CYREN: variants seen among roughly 807,000 people sequenced by gnomAD.
CYREN encodes the protein cell cycle regulator of NHEJ, also known as cell cycle regulator of non-homologous end joining.
A neutral mutation model predicts 9.7 loss-of-function variants in CYREN; 7 were observed. The observed-to-expected ratio is 0.72, with a 90% confidence interval of 0.41 to 1.36. The LOEUF (loss-of-function observed/expected upper bound fraction) is 1.36. Among genes scored for constraint, CYREN ranks in the 40% most tolerant of loss-of-function variants. CYREN has a pLI of 0.01. For missense variants in CYREN, 215 were observed against 198.1 expected (o/e 1.09, Z -0.51); for synonymous variants, 76 against 77.9 (o/e 0.98, Z 0.13).
intron 2 of CYREN, chr7:135,115,628 T>C (rs576710817): frequency 6.7e-7 from 1 of 1,493,042 alleles, no homozygotes; most frequent in East Asian, 2.5e-5. Flanking sequence ...CAATACAATT[T>C]TATCACTCTT....
chr7:135,129,506 A>T, intron 2 of CYREN: 1 of 772,812 alleles, frequency 1.3e-6, no homozygotes, highest in African/African-American at 1.7e-5. Flanking sequence ...CCATAGAGAA[A>T]TTAGATGGAT....
At chr7:135,168,549 T>C (rs890693855) in intron 2 of CYREN, 4 of 544,786 alleles carry the variant, frequency 7.3e-6, no homozygotes, top group East Asian at 3.1e-5. Context: ...ACTCTGTGTG[T>C]GCTGAGGGCA....
chr7:135,114,949 CT>C (rs1281212380), intron 2 of CYREN, among the ~76,000 whole-genome samples: 2 of 152,116 alleles, frequency 1.3e-5, no homozygotes, highest in East Asian at 3.9e-4. Context: ...CCCCTTATAA[CT>C]TTCCCTTTTG....
intron 3 of CYREN, chr7:135,167,469 A>G: frequency 2.2e-6 from 3 of 1,347,776 alleles, no homozygotes; most frequent in African/African-American, 1.5e-5. Flanking sequence ...ACCAGTGCAC[A>G]GTCACGCTCT....
chr7:135,111,079 G>C (rs1340355134), intron 2 of CYREN, among the ~76,000 whole-genome samples: 1 of 152,042 alleles, frequency 6.6e-6, no homozygotes, highest in Non-Finnish European at 1.5e-5. Flanking sequence ...ACCCTCAGTA[G>C]ATGACCTAAC....
chr7:135,152,548 G>A (rs1829689926), intron 2 of CYREN, among the ~76,000 whole-genome samples: 1 of 152,202 alleles, frequency 6.6e-6, no homozygotes, highest in Admixed American at 6.5e-5. Context: ...AAATTAATAA[G>A]ACAATACCTG....
intron 2 of CYREN, among the ~76,000 whole-genome samples, chr7:135,126,214 T>C (rs972779835): frequency 2.6e-5 from 4 of 152,204 alleles, no homozygotes; most frequent in African/African-American, 9.6e-5. Context: ...ACAGAATCAA[T>C]GTGCAAAAAT....
At chr7:135,095,437 G>A (rs1822520088) in intron 2 of CYREN, among the ~76,000 whole-genome samples, 1 of 152,120 alleles carries the variant, frequency 6.6e-6, no homozygotes, top group Non-Finnish European at 1.5e-5. Context: ...TATCCTAGAG[G>A]AATTCCAAGC....
intron 2 of CYREN, among the ~76,000 whole-genome samples, chr7:135,121,316 C>G (rs1317333751): frequency 6.6e-6 from 1 of 152,026 alleles, no homozygotes; most frequent in Non-Finnish European, 1.5e-5. Context: ...AGAAAATAAG[C>G]AAGGATATAA....
chr7:135,133,183 G>A (rs554784504), intron 2 of CYREN, among the ~76,000 whole-genome samples: 2 of 152,108 alleles, frequency 1.3e-5, no homozygotes, highest in South Asian at 4.1e-4. Flanking sequence ...AATAAGCAAT[G>A]AACATGTGAA....
In CYREN at chr7:135,150,910, T is replaced by C. The variant is rs375043142; in HGVS notation, n.356+17839A>G. Among the ~76,000 whole-genome samples the C allele has an allele frequency of 1.2e-4, 18 of 152,324 alleles. No individual in the cohort carries two copies. The East Asian group carries it at 3.3e-3, about 28-fold the overall frequency. ...GTAGACATTTTCTCATTTTTAAGGA[T>C]TTTCTTCTCCCTCTAAACTTTTTGT... On this transcript the variant is annotated intron_variant and non_coding_transcript_variant, in intron 2 of 2. Coordinates refer to the CYREN transcript ENST00000459937.
downstream of CYREN, chr7:135,164,735 C>G: frequency 6.2e-7 from 1 of 1,614,212 alleles, no homozygotes. Context: ...TCTTTGCCCC[C>G]CAGCCTCTCC....
At chr7:135,135,417 G>C (rs2117379717) in intron 2 of CYREN, 1 of 463,808 alleles carries the variant, frequency 2.2e-6, no homozygotes, top group East Asian at 3.4e-5. Context: ...CCCATCTTCT[G>C]TAGTGGGAAC....
intron 2 of CYREN, among the ~76,000 whole-genome samples, chr7:135,122,480 C>G (rs954994260): frequency 6.6e-6 from 1 of 152,196 alleles, no homozygotes; most frequent in Admixed American, 6.5e-5. Context: ...GGAATCTGGG[C>G]AGCCCAGACA....
downstream of CYREN, among the ~76,000 whole-genome samples, chr7:135,162,578 G>C (rs1829971868): frequency 6.6e-6 from 1 of 152,244 alleles, no homozygotes; most frequent in Non-Finnish European, 1.5e-5. Context: ...CAGCAGGCAA[G>C]AGAACATGTG....
chr7:135,159,247 T>C (rs555374137), intron 2 of CYREN, among the ~76,000 whole-genome samples: 8 of 152,372 alleles, frequency 5.3e-5, no homozygotes, highest in African/African-American at 7.2e-5. Flanking sequence ...TTTCTCACCA[T>C]GGTGGAGGCA....
intron 2 of CYREN, among the ~76,000 whole-genome samples, chr7:135,125,647 A>T (rs1234093897): frequency 6.6e-6 from 1 of 152,240 alleles, no homozygotes; most frequent in Admixed American, 6.5e-5. Flanking sequence ...AATCCTCAAT[A>T]AAATACTGGC....
chr7:135,101,214 C>T (rs1419056174), intron 2 of CYREN: 1 of 456,244 alleles, frequency 2.2e-6, no homozygotes, highest in East Asian at 6.9e-5. Flanking sequence ...AGTGACATCC[C>T]TGCAGTCTCC....
chr7:135,115,401 G>A, intron 2 of CYREN: 2 of 1,550,572 alleles, frequency 1.3e-6, no homozygotes, highest in Non-Finnish European at 1.7e-6. Context: ...AACTTAAAAA[G>A]CAAAATAAAA....
Sources: gnomAD v4.1 joint callset for allele counts (sites outside exome capture counted in the v4.1 genomes callset) on GRCh38, gnomAD v4.1.1 for gene constraint, MANE v1.5 for transcripts, NCBI Gene and HGNC (gene_info 2026-07-23, HGNC 2026-07-21) for gene names.